The following MGAT4C variants were observed in gnomAD, a reference collection of about 807,000 sequenced individuals.
The protein encoded by MGAT4C is MGAT4 family member C.
A neutral mutation model predicts 40.1 loss-of-function variants in MGAT4C; 19 were observed. The ratio of observed to expected loss-of-function variants is 0.47; its 90% CI spans 0.33 to 0.70. The LOEUF (loss-of-function observed/expected upper bound fraction) is 0.70, where lower values mean the gene tolerates loss of function less well. MGAT4C is among the 30% of genes least tolerant of loss of function. The pLI is 0.02. For synonymous variants in MGAT4C, 181 were observed against 187.1 expected, an observed-to-expected ratio of 0.97 and a Z score of 0.27; for missense variants, 491 against 563.2, an observed-to-expected ratio of 0.87 and a Z score of 1.30.
At chr12:86,672,565 C>A (rs1964284608) in intron 2 of MGAT4C, among the ~76,000 whole-genome samples, 1 of 151,714 alleles carries the variant, frequency 6.6e-6, no homozygotes, top group South Asian at 2.1e-4. Flanking sequence ...TCCAAATAAA[C>A]AAAATCAGAG....
At chr12:86,430,938 G>A (rs1352184876) in intron 3 of MGAT4C, among the ~76,000 whole-genome samples, 1 of 152,198 alleles carries the variant, frequency 6.6e-6, no homozygotes, top group Non-Finnish European at 1.5e-5. Context: ...GAAGTGGGAA[G>A]TTCCTTGCCT....
intron 1 of MGAT4C, among the ~76,000 whole-genome samples, chr12:86,102,853 G>A (rs1875359447): frequency 6.6e-6 from 1 of 151,944 alleles, no homozygotes; most frequent in African/African-American, 2.4e-5. Context: ...AATTTTTTTA[G>A]AATAGCCATT....
Position 86,147,766 on chromosome 12 carries a change from G to A in MGAT4C, c.-56-98043C>T, listed in dbSNP as rs150742703. Among the ~76,000 whole-genome samples, 448 of 152,244 alleles carry A rather than the reference G, an allele frequency of 2.9e-3. 3 individuals are homozygous for A. Among genetic ancestry groups the A allele is most frequent in the African/African-American group, 0.01 (427 of 41,560 alleles). On this transcript the variant is annotated intron_variant, in intron 1 of 4. Coordinates refer to ENST00000611864, the MANE Select transcript of MGAT4C (RefSeq NM_001351288.2). ...ATTGAGTGAAAGTTTTTCTATTTAAGGGAATAAATCAGTAGTATAATTACT... is the reference window on the plus strand; with the variant it reads ...ATTGAGTGAAAGTTTTTCTATTTAAAGGAATAAATCAGTAGTATAATTACT...
chr12:86,242,580 T>C (rs1407991274), intron 1 of MGAT4C, among the ~76,000 whole-genome samples: 1 of 152,146 alleles, frequency 6.6e-6, no homozygotes, highest in Non-Finnish European at 1.5e-5. Flanking sequence ...TGGACTAAAG[T>C]TTCAAGAGCC....
chr12:86,064,078 C>T (rs1193844812), intron 1 of MGAT4C, among the ~76,000 whole-genome samples: 1 of 152,174 alleles, frequency 6.6e-6, no homozygotes, highest in Admixed American at 6.5e-5. Flanking sequence ...ACTCTGGACC[C>T]CAAATCAACA....
At chr12:86,186,782 T>G (rs1251995980) in intron 1 of MGAT4C, among the ~76,000 whole-genome samples, 1 of 152,114 alleles carries the variant, frequency 6.6e-6, no homozygotes, top group Non-Finnish European at 1.5e-5. Flanking sequence ...AGGCCTTTCC[T>G]GTGTTCGTAA....
chr12:86,365,167 C>G (rs558432067), intron 3 of MGAT4C, among the ~76,000 whole-genome samples: 43 of 152,232 alleles, frequency 2.8e-4, no homozygotes, highest in Non-Finnish European at 3.1e-4. Flanking sequence ...AGGGATGTTC[C>G]TTGCTGAGAA....
At chr12:86,696,954 CCT>C (rs140797448) in intron 2 of MGAT4C, among the ~76,000 whole-genome samples, 5,685 of 152,140 alleles carry the variant, frequency 0.037, 136 homozygotes, top group Non-Finnish European at 0.049. Flanking sequence ...AAGTGCTCTC[CCT>C]CTGTCTTTCT....
At chr12:86,136,571 T>C (rs1054047792) in intron 1 of MGAT4C, among the ~76,000 whole-genome samples, 4 of 152,234 alleles carry the variant, frequency 2.6e-5, no homozygotes, top group Non-Finnish European at 5.9e-5. Context: ...TAACATCTGA[T>C]AGGGTTTCGT....
At chr12:86,705,256 ATC>A (rs1950434859) in intron 2 of MGAT4C, among the ~76,000 whole-genome samples, 1 of 148,034 alleles carries the variant, frequency 6.8e-6, no homozygotes, top group African/African-American at 2.5e-5. Flanking sequence ...CTATCTATCT[ATC>A]TATCTATCTA....
rs1168372884 is a variant in MGAT4C, at chr12:85,970,451, G to C, written c.*8838C>G. On this transcript the variant is annotated 3_prime_UTR_variant, in exon 5 of 5. Transcript: ENST00000611864. ...AACTGTTAAATTGATTATGAACGTA[G>C]GCACATTACTTATAAATCCCCTTAT... 5 of 151,168 alleles carry C rather than the reference G, an allele frequency of 3.3e-5. No homozygotes were observed. The highest frequency in any genetic ancestry group is 9.7e-5 in the African/African-American group (4 of 41,322). 9.4% of individuals were successfully genotyped at this position (151,168 alleles called of 1,614,324 possible). A position where few individuals can be genotyped will look rare whatever the true frequency, so the allele number is the denominator to read the frequency against.
intron 3 of MGAT4C, among the ~76,000 whole-genome samples, chr12:85,985,413 T>C (rs1885099053): frequency 6.6e-6 from 1 of 152,216 alleles, no homozygotes; most frequent in African/African-American, 2.4e-5. Flanking sequence ...AATATGGTCC[T>C]TACTAAATCA....
At chr12:86,601,456 C>G (rs1453313907) in intron 2 of MGAT4C, among the ~76,000 whole-genome samples, 1 of 152,050 alleles carries the variant, frequency 6.6e-6, no homozygotes, top group Admixed American at 6.6e-5. Context: ...CACTCAAGCC[C>G]CTGGGGACTA....
rs1437221328 is a variant in MGAT4C, at chr12:85,973,664, A to C, written c.*5625T>G. On this transcript the variant is annotated 3_prime_UTR_variant, in exon 5 of 5. Coordinates refer to ENST00000611864, the MANE Select transcript of MGAT4C (RefSeq NM_001351288.2). ...TAATGTGAAAATTTGATCATGCTATATTCTTAATTTAATTGTACTTCTATG... is the reference window on the plus strand; with the variant it reads ...TAATGTGAAAATTTGATCATGCTATCTTCTTAATTTAATTGTACTTCTATG... The C allele has an allele frequency of 6.6e-6, 1 of 150,838 alleles. No individual in the cohort carries two copies. Among genetic ancestry groups the C allele is most frequent in the Non-Finnish European group, 1.5e-5 (1 of 67,084 alleles). The allele number at this position is 150,838 out of a possible 1,614,324, so 9.3% of individuals were successfully genotyped here. A position where few individuals can be genotyped will look rare whatever the true frequency, so the allele number is the denominator to read the frequency against.
At chr12:86,678,550 G>C (rs927125838) in intron 2 of MGAT4C, among the ~76,000 whole-genome samples, 67 of 150,636 alleles carry the variant, frequency 4.4e-4, no homozygotes, top group African/African-American at 1.6e-3. Flanking sequence ...TTTAGCATTA[G>C]GTATATCTCC....
chr12:86,367,912 C>G (rs1332834438), intron 3 of MGAT4C, among the ~76,000 whole-genome samples: 3 of 152,180 alleles, frequency 2.0e-5, no homozygotes, highest in Non-Finnish European at 4.4e-5. Context: ...CCAGAAGCGC[C>G]TCTCAGGTTT....
At chr12:86,084,194 T>A (rs971578647) in intron 1 of MGAT4C, among the ~76,000 whole-genome samples, 2 of 152,062 alleles carry the variant, frequency 1.3e-5, no homozygotes, top group African/African-American at 4.8e-5. Context: ...ATAACTCTAA[T>A]GTCAGGTAGT....
intron 2 of MGAT4C, among the ~76,000 whole-genome samples, chr12:86,462,472 A>G (rs2136296625): frequency 6.6e-6 from 1 of 152,354 alleles, no homozygotes; most frequent in Admixed American, 6.5e-5. Context: ...ACACCTTTGT[A>G]TTAGTCATGG....
intron 3 of MGAT4C, among the ~76,000 whole-genome samples, chr12:86,396,030 G>A (rs1242170662): frequency 6.6e-6 from 1 of 151,886 alleles, no homozygotes; most frequent in Non-Finnish European, 1.5e-5. Flanking sequence ...AATGAGTTGT[G>A]TTTTTTTCTC....
Sources: allele counts gnomAD v4.1 joint callset (sites outside exome capture counted in the v4.1 genomes callset), GRCh38; gene constraint gnomAD v4.1.1; transcripts MANE v1.5; gene names NCBI Gene and HGNC (gene_info 2026-07-23, HGNC 2026-07-21).